Variants in ZNF274 observed in about 807,000 individuals in gnomAD.
ZNF274 encodes zinc finger protein 274.
A neutral mutation model predicts 42.5 loss-of-function variants in ZNF274; 23 were observed. That is an observed-to-expected ratio of 0.54 (90% CI 0.39 to 0.77). The LOEUF is 0.77. Ranked by LOEUF, ZNF274 falls within the 30% of genes least tolerant of loss-of-function variation. ZNF274 has a pLI of 0.00. For synonymous variants in ZNF274, 292 were observed against 305.4 expected, an observed-to-expected ratio of 0.96 and a Z score of 0.46; for missense variants, 679 against 806.5, an observed-to-expected ratio of 0.84 and a Z score of 1.91.
At chr19:58,201,711 T>G (rs2075914037) in intron 4 of ZNF274, among the ~76,000 whole-genome samples, 1 of 151,926 alleles carries the variant, frequency 6.6e-6, no homozygotes, top group South Asian at 2.1e-4. Flanking sequence ...GAGACGGGGT[T>G]TCACCATATT....
chr19:58,183,830 G>C, intron 1 of ZNF274, 91 bp from the exon 2 acceptor site: 1 of 835,764 alleles, frequency 1.2e-6, no homozygotes, highest in Admixed American at 2.6e-5. Context: ...GTCATTTCCC[G>C]CTGAGGGAGC....
chr19:58,213,250 T>A lies in ZNF274; in HGVS notation c.*107T>A. 1 of 1,434,928 alleles carries A rather than the reference T, an allele frequency of 7.0e-7. No individual in the cohort carries two copies. The highest frequency in any genetic ancestry group is 1.5e-5 in the South Asian group (1 of 67,086). The allele number at this position is 1,434,928 out of a possible 1,614,324, so 88.9% of individuals were successfully genotyped here. On this transcript the variant is annotated 3_prime_UTR_variant, in exon 8 of 8. Coordinates refer to ENST00000617501, the MANE Select transcript of ZNF274 (RefSeq NM_133502.3). ...CTGAATGTGAAAGGGAAGTATTGAG[T>A]GAGGACATTCCCAAAACCAAAGGAC...
chr19:58,184,094 C>T, intron 2 of ZNF274, 96 bp downstream of exon 2: 2 of 1,374,394 alleles, frequency 1.5e-6, no homozygotes, highest in African/African-American at 1.4e-5. Flanking sequence ...TACCCCCATC[C>T]TCCAGAGCAC....
intron 5 of ZNF274, 112 bp from the exon 6 acceptor site, chr19:58,209,849 C>A: frequency 1.5e-6 from 1 of 646,072 alleles, no homozygotes. Context: ...TGTCATGGAG[C>A]CACAGTACGA....
intron 2 of ZNF274, among the ~76,000 whole-genome samples, chr19:58,185,174 C>T (rs1371660708): frequency 6.6e-6 from 1 of 150,700 alleles, no homozygotes; most frequent in African/African-American, 2.4e-5. Context: ...ATGTGTAATC[C>T]CAGCACTTTG....
Position 58,211,502 on chromosome 19 carries a change from CCT to C in ZNF274, c.853-56_853-55del. 3 of 1,557,752 alleles carry C rather than the reference CCT, an allele frequency of 1.9e-6. No homozygotes were observed. In the East Asian group the frequency reaches 6.9e-5, roughly 36 times the overall value. ...ACCTCCCAGCTGGCCTTTCTTCTGCCCTCATTGACAACCCTCTGACCCTCTTG... is the reference window on the plus strand; with the variant it reads ...ACCTCCCAGCTGGCCTTTCTTCTGCCCATTGACAACCCTCTGACCCTCTTG... On this transcript the variant is annotated intron_variant, in intron 6 of 7. Transcript: ENST00000617501. The surrounding 1 kb of genome is among the most constrained non-coding windows in gnomAD (Gnocchi z 4.8).
At chr19:58,189,215 T>A (rs1235579445) in intron 4 of ZNF274, among the ~76,000 whole-genome samples, 1 of 152,216 alleles carries the variant, frequency 6.6e-6, no homozygotes, top group Non-Finnish European at 1.5e-5. Context: ...CTTTATGTAG[T>A]CTCTATACAG....
At chr19:58,198,807 C>CT (rs59644027) in intron 4 of ZNF274, among the ~76,000 whole-genome samples, 1,915 of 131,468 alleles carry the variant, frequency 0.015, 32 homozygotes, top group South Asian at 0.043. Flanking sequence ...TTAACTTTGA[C>CT]TTTTTTTTTT....
intron 6 of ZNF274, chr19:58,210,972 T>A (rs1201301892): frequency 1.3e-5 from 2 of 152,382 alleles, no homozygotes; most frequent in Admixed American, 1.3e-4. Context: ...CGCCTTGGCC[T>A]CCCAATGTGC....
chr19:58,188,658 A>ATGTGTG (rs200982136), intron 4 of ZNF274, among the ~76,000 whole-genome samples: 35 of 102,910 alleles, frequency 3.4e-4, no homozygotes, highest in Non-Finnish European at 4.3e-4. Context: ...TAAAAAATAG[A>ATGTGTG]TGTGTGTGTG....
At chr19:58,201,514 CT>C (rs11418348) in intron 4 of ZNF274, among the ~76,000 whole-genome samples, 55,226 of 143,690 alleles carry the variant, frequency 0.38, 11,342 homozygotes, top group Middle Eastern at 0.53. Context: ...GCATGAATTT[CT>C]TTTTTTTTTT....
intron 4 of ZNF274, among the ~76,000 whole-genome samples, chr19:58,194,330 G>T (rs1247329913): frequency 6.6e-6 from 1 of 150,962 alleles, no homozygotes; most frequent in Non-Finnish European, 1.5e-5. Flanking sequence ...GAGGAAATAA[G>T]GGGTTTGTGT....
rs146553490 is a variant in ZNF274 at position 58,199,250 on chromosome 19, C to T, written c.257-7470C>T. 1.8e-3 allele frequency among the ~76,000 whole-genome samples: 277 copies of T among 151,474 alleles called. 2 individuals carry two copies. Among genetic ancestry groups the T allele is most frequent in the African/African-American group, 6.5e-3 (267 of 41,232 alleles). ...GTGTGGTGGTGGGCGCCTGTAATCC[C>T]AGCTACTTAGGAGGTTGAGACAGGA... is the stretch of plus-strand genomic sequence containing the variant. On this transcript the variant is annotated intron_variant, in intron 4 of 7. Coordinates refer to ENST00000617501, the MANE Select transcript of ZNF274 (RefSeq NM_133502.3).
At chr19:58,188,674 G>GTA (rs1555816846) in intron 4 of ZNF274, among the ~76,000 whole-genome samples, 1 of 84,906 alleles carries the variant, frequency 1.2e-5, no homozygotes, top group Non-Finnish European at 2.0e-5. Flanking sequence ...GTGTGTGTGT[G>GTA]TGTATATATA....
At chr19:58,185,550 G>T in intron 2 of ZNF274, 162 bp from the exon 3 acceptor site, 1 of 587,286 alleles carries the variant, frequency 1.7e-6, no homozygotes, top group Non-Finnish European at 2.7e-6. Flanking sequence ...GGGTTTGCTT[G>T]GGGTTTCAGA....
chr19:58,207,011 G>A lies in ZNF274; in HGVS notation c.548G>A (p.Arg183Gln), dbSNP rs756693563. 18 of 1,610,962 alleles carry A rather than the reference G, an allele frequency of 1.1e-5. 1 individual carries two copies. Among genetic ancestry groups the A allele is most frequent in the South Asian group, 4.4e-5 (4 of 90,596 alleles). ...TGPREALDQLRELCHQWLQPK... is the reference protein window; with the variant it reads ...TGPREALDQLQELCHQWLQPK... ...CCCCGGGAGGCCCTGGACCAGCTCC[G>A]AGAGCTGTGTCACCAGTGGCTACAG... is the stretch of plus-strand genomic sequence containing the variant. The change falls in exon 5 of 8, where the codon CGA (arginine) becomes CAA (glutamine). Residue 183 changes from arginine to glutamine, a missense_variant. Physicochemically the swap from Arg to Gln is conservative, Grantham distance 43. Transcript: ENST00000617501. The surrounding 1 kb of genome is among the most constrained non-coding windows in gnomAD (Gnocchi z 5.6).
intron 4 of ZNF274, among the ~76,000 whole-genome samples, chr19:58,194,171 T>C (rs1265058173): frequency 6.6e-6 from 1 of 151,948 alleles, no homozygotes; most frequent in African/African-American, 2.4e-5. Flanking sequence ...GAGATTGCAG[T>C]GCACCACTGC....
intron 4 of ZNF274, among the ~76,000 whole-genome samples, chr19:58,188,694 G>GTATATA (rs71925177): frequency 0.059 from 4,389 of 74,120 alleles, 181 homozygotes; most frequent in African/African-American, 0.089. Context: ...ATATGTATAT[G>GTATATA]TATATATATA....
At chr19:58,188,884 CA>C (rs11287051) in intron 4 of ZNF274, among the ~76,000 whole-genome samples, 90,316 of 143,242 alleles carry the variant, frequency 0.63, 28,685 homozygotes, top group African/African-American at 0.75. Context: ...GACCCTGTCT[CA>C]AAAAAAAAAA....
Sources: gnomAD v4.1 joint callset for allele counts (sites outside exome capture counted in the v4.1 genomes callset) on GRCh38, gnomAD v4.1.1 for gene constraint, Gnocchi (gnomAD v3.1) non-coding constraint, MANE v1.5 for transcripts, NCBI Gene and HGNC (gene_info 2026-07-23, HGNC 2026-07-21) for gene names.